The following USP45 variants were observed in gnomAD, a reference collection of about 807,000 sequenced individuals.
USP45 encodes the protein ubiquitin specific peptidase 45.
In USP45, 89 loss-of-function variants were observed where a neutral mutation model predicts 95.8. That is an observed-to-expected ratio of 0.93 (90% confidence interval 0.78 to 1.11). The LOEUF (loss-of-function observed/expected upper bound fraction) is 1.11. Ranked by LOEUF, USP45 falls within the 50% of genes least tolerant of loss-of-function variation. The pLI, the probability that USP45 is intolerant of heterozygous loss-of-function variation, is 0.00. For missense variants in USP45, 898 were observed against 942.5 expected, an observed-to-expected ratio of 0.95 and a Z score of 0.62; for synonymous variants, 281 against 316.2, an observed-to-expected ratio of 0.89 and a Z score of 1.18.
intron 13 of USP45, among the ~76,000 whole-genome samples, chr6:99,459,218 T>C (rs547197350): frequency 2.0e-5 from 3 of 152,292 alleles, no homozygotes; most frequent in Admixed American, 6.5e-5. Context: ...CTCCCACTTA[T>C]AAGTGAGAAC....
At chr6:99,491,657 A>G (rs925698637) in intron 5 of USP45, among the ~76,000 whole-genome samples, 3 of 152,278 alleles carry the variant, frequency 2.0e-5, no homozygotes, top group South Asian at 2.1e-4. Context: ...CTCTTCAGTG[A>G]TTTATGTACA....
chr6:99,510,480 T>C (rs537362402), intron 1 of USP45, among the ~76,000 whole-genome samples: 4 of 152,292 alleles, frequency 2.6e-5, no homozygotes, highest in South Asian at 2.1e-4. Context: ...CCACTCCAAA[T>C]TGATATGTTG....
intron 7 of USP45, among the ~76,000 whole-genome samples, chr6:99,487,664 G>A (rs1292645216): frequency 4.0e-5 from 6 of 150,626 alleles, no homozygotes; most frequent in African/African-American, 9.8e-5. Context: ...AAAGTTAGCC[G>A]GGCGCCTATA....
At chr6:99,436,921 G>A (rs181017572) in intron 17 of USP45, among the ~76,000 whole-genome samples, 135 of 152,258 alleles carry the variant, frequency 8.9e-4, no homozygotes, top group African/African-American at 3.0e-3. Flanking sequence ...CCAACACGGC[G>A]AAACCCCGTC....
At position 99,435,866 on chromosome 6, in the gene USP45, T is replaced by C. The variant is rs1245543390; in HGVS notation, c.2315-20A>G. The stretch of plus-strand genomic sequence containing the variant: ...TCAAACCTAGCAAAACAAAAAGAAG[T>C]ACAATTTTAAAGTAAGTATGCTTTA... On this transcript the variant is annotated intron_variant, in intron 17 of 17. Coordinates refer to ENST00000500704, the MANE Select transcript of USP45 (RefSeq NM_001346022.3). 6 of 1,599,650 alleles carry C rather than the reference T, an allele frequency of 3.8e-6. No homozygotes were observed. Among genetic ancestry groups the C allele is most frequent in the East Asian group, 2.3e-5 (1 of 44,376 alleles).
intron 5 of USP45, among the ~76,000 whole-genome samples, chr6:99,491,941 T>TA (rs1266280547): frequency 6.7e-6 from 1 of 149,970 alleles, no homozygotes; most frequent in Non-Finnish European, 1.5e-5. Flanking sequence ...GGGCCTGTTT[T>TA]AAAAAACATT....
At chr6:99,437,533 G>A (rs1780738686) in intron 16 of USP45, 134 bp from the exon 17 acceptor site, 1 of 970,760 alleles carries the variant, frequency 1.0e-6, no homozygotes, top group East Asian at 3.0e-5. Context: ...TACTTACTAG[G>A]CTGGCAAAAT....
intron 4 of USP45, among the ~76,000 whole-genome samples, chr6:99,506,744 T>C (rs1051923506): frequency 1.4e-4 from 22 of 152,176 alleles, no homozygotes; most frequent in African/African-American, 5.3e-4. Flanking sequence ...CCTGAAAAGT[T>C]TTTACAAGCT....
At chr6:99,445,232 C>G (rs2128549906) in intron 14 of USP45, among the ~76,000 whole-genome samples, 1 of 152,294 alleles carries the variant, frequency 6.6e-6, no homozygotes, top group Non-Finnish European at 1.5e-5. Flanking sequence ...CACCTGTAAT[C>G]TCAGCACTTT....
chr6:99,466,098 C>T (rs1224879286), intron 11 of USP45, among the ~76,000 whole-genome samples: 4 of 152,048 alleles, frequency 2.6e-5, no homozygotes, highest in East Asian at 1.9e-4. Flanking sequence ...CTCACTGCAA[C>T]CCTGCCTGCT....
At chr6:99,467,993 A>G in intron 10 of USP45, 1 of 364,120 alleles carries the variant, frequency 2.7e-6, no homozygotes, top group Non-Finnish European at 5.5e-6. Flanking sequence ...AGTATTGATA[A>G]TGATAAATAA....
At position 99,434,337 on chromosome 6, in the gene USP45, C is replaced by G. The variant is rs1332710095; in HGVS notation, c.*1379G>C. ...CCTTATCTGCAGCCACTATTCTTAT[C>G]CTTTCTTCCCAGGAGGAGAATGAAG... On this transcript the variant is annotated 3_prime_UTR_variant, in exon 18 of 18. Coordinates refer to ENST00000500704, the MANE Select transcript of USP45 (RefSeq NM_001346022.3). 6.6e-6 allele frequency: 1 copy of G among 152,158 alleles called. No homozygotes were observed. The highest frequency in any genetic ancestry group is 2.4e-5 in the African/African-American group (1 of 41,436). The allele number at this position is 152,158 out of a possible 1,614,324, so 9.4% of individuals were successfully genotyped here.
intron 13 of USP45, among the ~76,000 whole-genome samples, chr6:99,455,742 T>TG (rs1784892341): frequency 7.0e-6 from 1 of 142,528 alleles, no homozygotes; most frequent in Admixed American, 7.6e-5. Flanking sequence ...TGGGTTGAAC[T>TG]GGAGGTCATT....
At chr6:99,486,810 C>G (rs1269957118) in intron 7 of USP45, among the ~76,000 whole-genome samples, 2 of 152,028 alleles carry the variant, frequency 1.3e-5, no homozygotes, top group Non-Finnish European at 2.9e-5. Flanking sequence ...ATGAGCTATA[C>G]ATATACTCTG....
chr6:99,447,434 A>G (rs976495083), intron 13 of USP45, among the ~76,000 whole-genome samples: 1 of 152,236 alleles, frequency 6.6e-6, no homozygotes, highest in Admixed American at 6.5e-5. Flanking sequence ...CAGGAAAAAT[A>G]ACATTAGCCA....
chr6:99,482,437 G>GT (rs1792656098), intron 8 of USP45: 1 of 266,382 alleles, frequency 3.8e-6, no homozygotes, highest in Non-Finnish European at 7.0e-6. Flanking sequence ...CAACTCTATG[G>GT]TTTTCTCACT....
intron 1 of USP45, among the ~76,000 whole-genome samples, chr6:99,514,455 C>G (rs887036861): frequency 6.6e-6 from 1 of 152,204 alleles, no homozygotes; most frequent in Non-Finnish European, 1.5e-5. Context: ...GCAGTCCTTT[C>G]TAAGGATAGC....
chr6:99,450,085 T>G (rs1227423401), intron 13 of USP45, among the ~76,000 whole-genome samples: 1 of 151,960 alleles, frequency 6.6e-6, no homozygotes, highest in African/African-American at 2.4e-5. Flanking sequence ...GCAGGAAAGA[T>G]CTAAAATTGA....
intron 9 of USP45, among the ~76,000 whole-genome samples, chr6:99,474,272 A>G (rs915069553): frequency 6.6e-6 from 1 of 152,158 alleles, no homozygotes; most frequent in Admixed American, 6.5e-5. Flanking sequence ...ATCACAGCTC[A>G]CTGCAACCTC....
Sources: gnomAD v4.1 joint callset for allele counts (sites outside exome capture counted in the v4.1 genomes callset) on GRCh38, gnomAD v4.1.1 for gene constraint, MANE v1.5 for transcripts, NCBI Gene and HGNC (gene_info 2026-07-23, HGNC 2026-07-21) for gene names.